PRKCB: variants seen among roughly 807,000 people sequenced by gnomAD.
PRKCB encodes protein kinase C beta.
In PRKCB, 13 loss-of-function variants were observed where a neutral mutation model predicts 81.5. The ratio of observed to expected loss-of-function variants is 0.16; its 90% confidence interval spans 0.10 to 0.25. PRKCB has a LOEUF of 0.25. Among genes scored for constraint, PRKCB ranks in the 10% least tolerant of loss-of-function variants. The probability of loss-of-function intolerance (pLI) is 1.00; values close to 1 mark genes in which losing one functional copy is unlikely to be tolerated. For synonymous variants in PRKCB, 335 were observed against 321.4 expected, an observed-to-expected ratio of 1.04 and a Z score of -0.45; for missense variants, 509 against 875.7, an observed-to-expected ratio of 0.58 and a Z score of 5.29.
At chr16:23,966,637 G>C (rs76260653) in intron 2 of PRKCB, among the ~76,000 whole-genome samples, 2,779 of 152,172 alleles carry the variant, frequency 0.018, 74 homozygotes, top group African/African-American at 0.06. Context: ...CTTTAAGTTG[G>C]GTGTCTCAAG....
At chr16:23,998,928 G>A (rs891501659) in intron 3 of PRKCB, among the ~76,000 whole-genome samples, 23 of 152,306 alleles carry the variant, frequency 1.5e-4, no homozygotes, top group Non-Finnish European at 7.4e-5. Context: ...ATTGCCTTGA[G>A]CATGAGGAGA....
intron 2 of PRKCB, among the ~76,000 whole-genome samples, chr16:23,967,277 T>G (rs1477165441): frequency 6.6e-6 from 1 of 152,128 alleles, no homozygotes; most frequent in East Asian, 1.9e-4. Flanking sequence ...TATCCTTCCT[T>G]TTGGATGGTG....
At chr16:24,046,324 G>A (rs1965764171) in intron 5 of PRKCB, among the ~76,000 whole-genome samples, 5 of 152,336 alleles carry the variant, frequency 3.3e-5, no homozygotes, top group South Asian at 4.1e-4. Context: ...TTTGTTGGGG[G>A]CCTCCCATGT....
At chr16:23,847,393 TATCC>T (rs1372826794) in intron 2 of PRKCB, among the ~76,000 whole-genome samples, 4 of 146,898 alleles carry the variant, frequency 2.7e-5, no homozygotes, top group African/African-American at 1.0e-4. Context: ...TCTATCTATC[TATCC>T]ATCCATCCAC....
At chr16:23,843,704 T>TA (rs1962307929) in intron 2 of PRKCB, among the ~76,000 whole-genome samples, 1 of 148,730 alleles carries the variant, frequency 6.7e-6, no homozygotes, top group South Asian at 2.1e-4. Context: ...ATATAATTTT[T>TA]AAAAAATATA....
intron 7 of PRKCB, among the ~76,000 whole-genome samples, chr16:24,109,062 G>A (rs1243748087): frequency 4.1e-5 from 6 of 145,638 alleles, no homozygotes; most frequent in Non-Finnish European, 6.1e-5. Context: ...CAGATGGGGC[G>A]GCTGGCCGGG....
At chr16:24,184,146 A>T (rs1410373761) in intron 13 of PRKCB, among the ~76,000 whole-genome samples, 2 of 152,228 alleles carry the variant, frequency 1.3e-5, no homozygotes, top group Admixed American at 1.3e-4. Context: ...TCATATACAA[A>T]TATTAAATTA....
At chr16:24,164,660 A>G (rs1364849832) in intron 10 of PRKCB, among the ~76,000 whole-genome samples, 1 of 152,200 alleles carries the variant, frequency 6.6e-6, no homozygotes, top group Non-Finnish European at 1.5e-5. Context: ...GAGGATAGAA[A>G]TATAAGTCAA....
intron 6 of PRKCB, 137 bp downstream of exon 6, chr16:24,093,084 C>T (rs1966396870): frequency 1.1e-5 from 10 of 937,766 alleles, no homozygotes; most frequent in Non-Finnish European, 1.5e-5. Flanking sequence ...CTCCATCCCT[C>T]ACTCCTATCT....
chr16:24,173,406 C>T (rs1967475738), intron 11 of PRKCB, among the ~76,000 whole-genome samples: 1 of 152,144 alleles, frequency 6.6e-6, no homozygotes, highest in Non-Finnish European at 1.5e-5. Flanking sequence ...CATCTAGAAC[C>T]CCACCTTGTC....
At chr16:24,204,970 A>T (rs1968021024) in intron 16 of PRKCB, among the ~76,000 whole-genome samples, 1 of 151,866 alleles carries the variant, frequency 6.6e-6, no homozygotes, top group African/African-American at 2.4e-5. Flanking sequence ...AAATACAAAA[A>T]TTAGCTGGGC....
intron 2 of PRKCB, among the ~76,000 whole-genome samples, chr16:23,951,860 C>T (rs961643370): frequency 2.0e-5 from 3 of 152,048 alleles, no homozygotes; most frequent in Non-Finnish European, 2.9e-5. Context: ...AATACAGGAA[C>T]GTCACACTTC....
At chr16:24,034,152 A>C (rs1178591248) in intron 4 of PRKCB, among the ~76,000 whole-genome samples, 1 of 152,182 alleles carries the variant, frequency 6.6e-6, no homozygotes, top group Non-Finnish European at 1.5e-5. Context: ...CTTACCACAC[A>C]TGGGGCCCTA....
intron 2 of PRKCB, among the ~76,000 whole-genome samples, chr16:23,943,558 G>A (rs144308084): frequency 1.3e-5 from 2 of 152,192 alleles, no homozygotes; most frequent in African/African-American, 4.8e-5. Context: ...ATGTGTGAAT[G>A]TGTCTTATTT....
In PRKCB at chr16:24,107,518, C is replaced by G. The variant is rs568561362; in HGVS notation, c.822-5455C>G. ...GGCGGGGCTACAGTGGAGACAGGTC[C>G]ATAACAGGCACCCCTCAAGCCAGAT... On this transcript the variant is annotated intron_variant, in intron 7 of 16. Coordinates refer to ENST00000643927, the MANE Select transcript of PRKCB (RefSeq NM_002738.7). 6.6e-5 allele frequency among the ~76,000 whole-genome samples: 10 copies of G among 152,300 alleles called. 1 individual carries two copies. In the South Asian group the frequency reaches 2.1e-3, roughly 32 times the overall value.
intron 2 of PRKCB, among the ~76,000 whole-genome samples, chr16:23,874,568 C>T (rs74012479): frequency 0.015 from 1,992 of 133,044 alleles, 49 homozygotes; most frequent in African/African-American, 0.048. Context: ...ATTCTTCTCT[C>T]TTTTTTTTTT....
chr16:23,929,230 A>G (rs1963938758), intron 2 of PRKCB, among the ~76,000 whole-genome samples: 1 of 152,134 alleles, frequency 6.6e-6, no homozygotes, highest in South Asian at 2.1e-4. Context: ...TGTAGCAGAA[A>G]ATACGAGGAG....
chr16:24,185,542 A>G lies in PRKCB; in HGVS notation c.1697A>G (p.Lys566Arg). Residue 566 changes from lysine to arginine, a missense_variant, in exon 15 of 17, where the codon AAG becomes AGG. By Grantham distance (26) the Lys-to-Arg change is conservative. Around this residue, in one of 6 missense-constraint regions of PRKCB, gnomAD observed 104 missense variants for 160.5 expected, o/e 0.65. Transcript: ENST00000643927. ...HNVAYPKSMS[K>R]EAVAICKGLM... ...GTAGCCTATCCCAAGTCTATGTCCAAGGAAGCTGTGGCCATCTGCAAAGGG... is the reference window on the plus strand; with the variant it reads ...GTAGCCTATCCCAAGTCTATGTCCAGGGAAGCTGTGGCCATCTGCAAAGGG... 2 of 1,614,086 alleles carry G rather than the reference A, an allele frequency of 1.2e-6. No individual in the cohort carries two copies. Among genetic ancestry groups the G allele is most frequent in the Non-Finnish European group, 1.7e-6 (2 of 1,179,882 alleles).
At position 23,965,199 on chromosome 16, in the gene PRKCB, G is replaced by A. The variant is rs112941691; in HGVS notation, c.206-23309G>A. On this transcript the variant is annotated intron_variant, in intron 2 of 16. Transcript: ENST00000643927. ...TCTGTTGTTCCCTTCTTTGTGTCAT[G>A]AGTGCCTGATGTTTAGCTCCCACTT... Among the ~76,000 whole-genome samples the A allele has an allele frequency of 7.5e-3, 1,135 of 152,302 alleles. 12 individuals are homozygous for A. The highest frequency in any genetic ancestry group is 0.047 in the South Asian group (226 of 4,826).
Sources: gnomAD v4.1 joint callset for allele counts (sites outside exome capture counted in the v4.1 genomes callset) on GRCh38, gnomAD v4.1.1 for gene constraint, gnomAD v4.1.1 regional missense constraint, MANE v1.5 for transcripts, NCBI Gene and HGNC (gene_info 2026-07-23, HGNC 2026-07-21) for gene names.